Variants in TANC2 observed in about 807,000 individuals in gnomAD.
TANC2 encodes protein TANC2.
Under a neutral mutation model 210.5 loss-of-function variants are expected in TANC2, and 26 were observed. That is an observed-to-expected ratio of 0.12 (90% CI 0.09 to 0.17). TANC2 has a LOEUF of 0.17. TANC2 is among the 10% of genes least tolerant of loss of function. The pLI is 1.00. For synonymous variants in TANC2, 931 were observed against 967.1 expected (o/e 0.96, Z 0.69); for missense variants, 2,129 against 2,608.9 (o/e 0.82, Z 4.01).
rs2048141707 is a variant in TANC2, at chr17:63,395,912, G to C, written c.3221G>C (p.Ser1074Thr). The change falls in exon 18 of 28, where the codon AGC (serine) becomes ACC (threonine). Residue 1074 changes from serine (S) to threonine (T), a missense_variant. Physicochemically the swap from Ser to Thr is moderately conservative, Grantham distance 58. Transcript: ENST00000689528. ...CAACAGGCCCTCATTGCTGCAGCCAGCATGGGTTATACTGAGGTAAGAAGT... is the reference window on the plus strand; with the variant it reads ...CAACAGGCCCTCATTGCTGCAGCCACCATGGGTTATACTGAGGTAAGAAGT... 3.7e-6 allele frequency: 6 copies of C among 1,608,854 alleles called. No individual in the cohort carries two copies. Among genetic ancestry groups the C allele is most frequent in the Non-Finnish European group, 4.2e-6 (5 of 1,177,458 alleles).
chr17:62,987,565 T>G (rs889835357), intron 1 of TANC2, among the ~76,000 whole-genome samples: 1 of 152,078 alleles, frequency 6.6e-6, no homozygotes, highest in Non-Finnish European at 1.5e-5. Flanking sequence ...TGGGGACTAG[T>G]GGGGTTCTTC....
At chr17:63,181,053 A>G (rs972741080) in intron 5 of TANC2, among the ~76,000 whole-genome samples, 1 of 140,288 alleles carries the variant, frequency 7.1e-6, no homozygotes, top group Non-Finnish European at 1.5e-5. Flanking sequence ...AAAAAAAAAG[A>G]GTAGGCATAG....
At chr17:63,364,438 C>G (rs2047052496) in intron 14 of TANC2, among the ~76,000 whole-genome samples, 2 of 152,070 alleles carry the variant, frequency 1.3e-5, no homozygotes, top group Admixed American at 1.3e-4. Context: ...AAACTGAGAA[C>G]TACTTATTCT....
intron 8 of TANC2, among the ~76,000 whole-genome samples, chr17:63,241,035 A>G (rs1423529253): frequency 6.6e-6 from 1 of 152,166 alleles, no homozygotes; most frequent in African/African-American, 2.4e-5. Flanking sequence ...GAACCAACCA[A>G]TCTGTGATAT....
intron 2 of TANC2, among the ~76,000 whole-genome samples, chr17:63,067,330 T>C (rs2036238798): frequency 6.6e-6 from 1 of 152,148 alleles, no homozygotes; most frequent in African/African-American, 2.4e-5. Context: ...GCAACTATTA[T>C]AAAAATGCTT....
Position 63,412,669 on chromosome 17 carries a change from T to A in TANC2, c.3899-11T>A. Reference sequence around the variant, plus strand: ...TCTCCTACAACTTTTTGTTTTCTCCTTTCTTTGAAGGTTGTCAGACGTTAC... The same window carrying A: ...TCTCCTACAACTTTTTGTTTTCTCCATTCTTTGAAGGTTGTCAGACGTTAC... On this transcript the variant is annotated splice_polypyrimidine_tract_variant and intron_variant, in intron 23 of 27. Transcript: ENST00000689528. This position sits in a 1 kb window ranked among gnomAD's most constrained non-coding sequence, Gnocchi z 4.2. 1 of 1,535,568 alleles carries A rather than the reference T, an allele frequency of 6.5e-7. No individual in the cohort carries two copies. The highest frequency in any genetic ancestry group is 8.7e-7 in the Non-Finnish European group (1 of 1,146,630).
intron 3 of TANC2, among the ~76,000 whole-genome samples, chr17:63,091,567 G>A (rs1238477618): frequency 5.9e-5 from 9 of 151,962 alleles, no homozygotes; most frequent in South Asian, 2.1e-4. Flanking sequence ...TCCATTGGTC[G>A]ATACCTCTGT....
At chr17:63,215,606 C>G (rs2042003742) in intron 7 of TANC2, among the ~76,000 whole-genome samples, 1 of 152,108 alleles carries the variant, frequency 6.6e-6, no homozygotes, top group East Asian at 1.9e-4. Flanking sequence ...TTTAAAAACA[C>G]CCTAAATGAT....
intron 7 of TANC2, among the ~76,000 whole-genome samples, chr17:63,201,638 T>TTTTTTTTTTTA (rs1555604780): frequency 3.3e-5 from 5 of 151,030 alleles, no homozygotes; most frequent in African/African-American, 9.7e-5. Context: ...TTTTTTTTTT[T>TTTTTTTTTTTA]ACCAAAGATC....
At chr17:63,373,905 C>G (rs1321777364) in intron 14 of TANC2, among the ~76,000 whole-genome samples, 1 of 152,016 alleles carries the variant, frequency 6.6e-6, no homozygotes, top group African/African-American at 2.4e-5. Flanking sequence ...TGCTTGAACC[C>G]AGGAGGCGGA....
intron 4 of TANC2, among the ~76,000 whole-genome samples, chr17:63,122,289 A>G (rs2038515558): frequency 6.6e-6 from 1 of 152,222 alleles, no homozygotes; most frequent in Admixed American, 6.5e-5. Flanking sequence ...TATTTCTTAC[A>G]TGCCCCTGCA....
chr17:62,997,603 T>G (rs189201544), intron 1 of TANC2, among the ~76,000 whole-genome samples: 1 of 152,338 alleles, frequency 6.6e-6, no homozygotes, highest in African/African-American at 2.4e-5. Flanking sequence ...TAATACTTAG[T>G]TCATCATTTG....
chr17:63,267,361 C>A (rs1598739519), intron 8 of TANC2, among the ~76,000 whole-genome samples: 1 of 152,160 alleles, frequency 6.6e-6, no homozygotes, highest in African/African-American at 2.4e-5. Flanking sequence ...TTTGGACTAG[C>A]ATTTTGTTTT....
At chr17:63,077,760 G>C (rs978325795) in intron 3 of TANC2, among the ~76,000 whole-genome samples, 9 of 152,254 alleles carry the variant, frequency 5.9e-5, no homozygotes, top group South Asian at 2.1e-4. Context: ...GTCACCTCCA[G>C]TAGAAAACGT....
intron 3 of TANC2, among the ~76,000 whole-genome samples, chr17:63,090,622 G>A (rs1292194177): frequency 1.3e-5 from 2 of 152,172 alleles, no homozygotes; most frequent in East Asian, 1.9e-4. Flanking sequence ...GGACATTTGG[G>A]TTGGTTCCAA....
chr17:63,019,105 A>G (rs1419999299), intron 2 of TANC2, among the ~76,000 whole-genome samples: 5 of 152,232 alleles, frequency 3.3e-5, no homozygotes, highest in African/African-American at 1.2e-4. Flanking sequence ...ATGTTAATTT[A>G]TAAAGGAAGT....
chr17:63,294,683 C>T (rs947669644), intron 9 of TANC2, among the ~76,000 whole-genome samples: 2 of 152,116 alleles, frequency 1.3e-5, no homozygotes, highest in Non-Finnish European at 2.9e-5. Flanking sequence ...CACATCTGTT[C>T]ATCTACCTAT....
chr17:63,334,625 A>G (rs562812152), intron 11 of TANC2, among the ~76,000 whole-genome samples: 7 of 152,320 alleles, frequency 4.6e-5, no homozygotes, highest in African/African-American at 1.4e-4. Flanking sequence ...TTAATGGGCA[A>G]AAGTTTAAGG....
At chr17:63,253,714 A>G (rs2043113669) in intron 8 of TANC2, among the ~76,000 whole-genome samples, 1 of 152,068 alleles carries the variant, frequency 6.6e-6, no homozygotes, top group Non-Finnish European at 1.5e-5. Flanking sequence ...CCTGGACCTC[A>G]ACTTCAAGTG....
Sources: allele counts gnomAD v4.1 joint callset (sites outside exome capture counted in the v4.1 genomes callset), GRCh38; gene constraint gnomAD v4.1.1; non-coding constraint Gnocchi (gnomAD v3.1); transcripts MANE v1.5; gene names NCBI Gene and HGNC (gene_info 2026-07-23, HGNC 2026-07-21).